Variants in GRPR observed in about 807,000 individuals in gnomAD.
GRPR encodes the protein gastrin-releasing peptide receptor.
Under a neutral mutation model 15.6 loss-of-function variants are expected in GRPR, and 4 were observed. That is an observed-to-expected ratio of 0.26 (90% confidence interval 0.13 to 0.59). The LOEUF (loss-of-function observed/expected upper bound fraction) is 0.59, where lower values mean the gene tolerates loss of function less well. Ranked by LOEUF, GRPR falls within the 20% of genes least tolerant of loss-of-function variation. GRPR has a pLI of 0.90. For missense variants in GRPR, 270 were observed against 304.1 expected, an observed-to-expected ratio of 0.89 and a Z score of 0.83; for synonymous variants, 128 against 126.8, an observed-to-expected ratio of 1.01 and a Z score of -0.06.
Position 16,152,763 on chromosome X carries a change from G to A in GRPR, c.*118G>A, listed in dbSNP as rs1267748287. 1.5e-5 allele frequency: 9 copies of A among 597,029 alleles called. No homozygotes were observed. Among genetic ancestry groups the A allele is most frequent in the Non-Finnish European group, 2.5e-5 (9 of 352,952 alleles). The allele number at this position is 597,029 out of a possible 1,213,427, so 49.2% of individuals were successfully genotyped here. ...AGCCTTCAGAATGCTCCTGAGTGGT[G>A]TAGGTGGGGGTGGGGAGGCCCAAAT... On this transcript the variant is annotated 3_prime_UTR_variant, in exon 3 of 3. Coordinates refer to ENST00000380289, the MANE Select transcript of GRPR (RefSeq NM_005314.3).
At chrX:16,143,131 C>A (rs1341518514) in intron 1 of GRPR, among the ~76,000 whole-genome samples, 1 of 111,489 alleles carries the variant, frequency 9.0e-6, no homozygotes, top group Non-Finnish European at 1.9e-5. Context: ...TGCCCTTTTG[C>A]TGGAGCTCTT....
chrX:16,143,290 C>T (rs1301549815), intron 1 of GRPR, among the ~76,000 whole-genome samples: 2 of 111,861 alleles, frequency 1.8e-5, no homozygotes, highest in South Asian at 7.5e-4. Flanking sequence ...AAAGTTTCAC[C>T]CCTCTCCAAC....
chrX:16,138,915 T>C (rs188162184), intron 1 of GRPR, among the ~76,000 whole-genome samples: 1 of 112,376 alleles, frequency 8.9e-6, no homozygotes, highest in Non-Finnish European at 1.9e-5. Context: ...TCATTTTCTT[T>C]TGTTTGCTTT....
chrX:16,144,588 G>T (rs1227522853), intron 1 of GRPR, among the ~76,000 whole-genome samples: 1 of 111,972 alleles, frequency 8.9e-6, no homozygotes, highest in East Asian at 2.8e-4. Context: ...TGTGGGCAAA[G>T]GTTTCCAACC....
In GRPR at chrX:16,152,766, G is replaced by C; in HGVS notation, c.*121G>C. On this transcript the variant is annotated 3_prime_UTR_variant, in exon 3 of 3. Coordinates refer to ENST00000380289, the MANE Select transcript of GRPR (RefSeq NM_005314.3). ...CTTCAGAATGCTCCTGAGTGGTGTA[G>C]GTGGGGGTGGGGAGGCCCAAATGAT... is the stretch of plus-strand genomic sequence containing the variant. The C allele has an allele frequency of 1.7e-6, 1 of 600,217 alleles. No individual in the cohort carries two copies. Among genetic ancestry groups the C allele is most frequent in the Non-Finnish European group, 2.8e-6 (1 of 353,975 alleles). 49.5% of individuals were successfully genotyped at this position (600,217 alleles called of 1,213,427 possible).
At chrX:16,132,220 T>A (rs1423036917) in intron 1 of GRPR, among the ~76,000 whole-genome samples, 1 of 112,435 alleles carries the variant, frequency 8.9e-6, no homozygotes, top group African/African-American at 3.2e-5. Flanking sequence ...GCTCATTACT[T>A]TTCATGATTA....
rs150923006 is a variant in GRPR at position 16,149,929 on chromosome X, A to T, written c.414-376A>T. Among the ~76,000 whole-genome samples the T allele has an allele frequency of 6.0e-3, 678 of 112,168 alleles. 5 individuals carry two copies. Among genetic ancestry groups the T allele is most frequent in the African/African-American group, 0.02 (604 of 30,901 alleles). On this transcript the variant is annotated intron_variant, in intron 1 of 2. Coordinates refer to ENST00000380289, the MANE Select transcript of GRPR (RefSeq NM_005314.3). Reference sequence around the variant, plus strand: ...AAGTATATGTTAATTAGCTCAATCTAGTCATTCCACAGTGTATACATATTT... The same window carrying T: ...AAGTATATGTTAATTAGCTCAATCTTGTCATTCCACAGTGTATACATATTT...
At chrX:16,131,365 C>G (rs1485901851) in intron 1 of GRPR, among the ~76,000 whole-genome samples, 1 of 111,936 alleles carries the variant, frequency 8.9e-6, no homozygotes. Context: ...TGAAGAAGTT[C>G]GTTTCACATA....
At position 16,152,990 on chromosome X, in the gene GRPR, TAGC is replaced by T. The variant is rs1922740857; in HGVS notation, c.*348_*350del. 1 of 249,626 alleles carries T rather than the reference TAGC, an allele frequency of 4.0e-6. No homozygotes were observed. The highest frequency in any genetic ancestry group is 2.7e-5 in the African/African-American group (1 of 37,062). 20.6% of individuals were successfully genotyped at this position (249,626 alleles called of 1,213,427 possible). On this transcript the variant is annotated 3_prime_UTR_variant, in exon 3 of 3. Transcript: ENST00000380289. ...AACTGTATGAACAACCAGATTTACA[TAGC>T]AGAGAAATCATACATTGAATGCTTA...
chrX:16,124,033 A>T lies in GRPR; in HGVS notation c.80A>T (p.Asp27Val). The T allele has an allele frequency of 1.7e-6, 2 of 1,201,854 alleles. No individual in the cohort carries two copies. Among genetic ancestry groups the T allele is most frequent in the Non-Finnish European group, 1.1e-6 (1 of 886,723 alleles). ...MHCNISSHSADLPVNDDWSHP... is the reference protein window; with the variant it reads ...MHCNISSHSAVLPVNDDWSHP... ...TGCAACATCTCCAGTCACAGTGCGG[A>T]TCTCCCCGTGAACGATGACTGGTCC... is the stretch of plus-strand genomic sequence containing the variant. Residue 27 changes from aspartate to valine, a missense_variant, in exon 1 of 3, where the codon GAT becomes GTT. Asp to Val is a radical substitution (Grantham distance 152). Coordinates refer to ENST00000380289, the MANE Select transcript of GRPR (RefSeq NM_005314.3).
At chrX:16,150,802 C>G in intron 2 of GRPR, 146 bp downstream of exon 2, 3 of 493,495 alleles carry the variant, frequency 6.1e-6, no homozygotes, top group Non-Finnish European at 1.1e-5. Context: ...AAATGCCTAG[C>G]CATGGAAACC....
rs1003793106 is a variant in GRPR at position 16,152,883 on chromosome X, C to G, written c.*238C>G. 9.8e-6 allele frequency: 4 copies of G among 406,575 alleles called. No individual in the cohort carries two copies. Among genetic ancestry groups the G allele is most frequent in the Admixed American group, 4.1e-5 (1 of 24,139 alleles). The allele number at this position is 406,575 out of a possible 1,213,427, so 33.5% of individuals were successfully genotyped here. The stretch of plus-strand genomic sequence containing the variant: ...TCTTCTGATGTGAAGCAAACCTTCC[C>G]TTTTCAGAAAAGGGAACAAGTAGAA... On this transcript the variant is annotated 3_prime_UTR_variant, in exon 3 of 3. Transcript: ENST00000380289.
intron 2 of GRPR, among the ~76,000 whole-genome samples, chrX:16,151,197 C>T (rs1297652139): frequency 8.9e-6 from 1 of 112,277 alleles, no homozygotes; most frequent in Non-Finnish European, 1.9e-5. Flanking sequence ...CATTGTAAAA[C>T]TATTGGAAGA....
At chrX:16,135,505 TCCA>T (rs1922435167) in intron 1 of GRPR, among the ~76,000 whole-genome samples, 1 of 112,443 alleles carries the variant, frequency 8.9e-6, no homozygotes, top group African/African-American at 3.2e-5. Flanking sequence ...GAATTTATTT[TCCA>T]ATGTAAGGAG....
At chrX:16,139,988 C>T (rs1371456502) in intron 1 of GRPR, among the ~76,000 whole-genome samples, 2 of 112,078 alleles carry the variant, frequency 1.8e-5, no homozygotes, top group Non-Finnish European at 3.8e-5. Context: ...GAAACGGAGA[C>T]AACATGCTTT....
intron 1 of GRPR, among the ~76,000 whole-genome samples, chrX:16,135,426 G>C (rs1922434025): frequency 9.0e-6 from 1 of 111,663 alleles, no homozygotes; most frequent in East Asian, 2.8e-4. Flanking sequence ...CAGGCTAGCT[G>C]GCCAGTGGTG....
intron 1 of GRPR, 135 bp from the exon 2 acceptor site, chrX:16,150,170 G>A (rs1922673029): frequency 4.0e-6 from 2 of 501,078 alleles, no homozygotes; most frequent in Non-Finnish European, 7.0e-6. Flanking sequence ...CTCAGAGTCG[G>A]CACCCTCAGG....
intron 1 of GRPR, among the ~76,000 whole-genome samples, chrX:16,134,585 A>G (rs139229075): frequency 9.0e-6 from 1 of 111,007 alleles, no homozygotes; most frequent in Non-Finnish European, 1.9e-5. Flanking sequence ...TTTTTGTGAG[A>G]GTTGGTCTAT....
Position 16,152,376 on chromosome X carries a change from A to C in GRPR, c.886A>C (p.Thr296Pro). ...YRSYHYSEVD[T>P]SMLHFVTSIC... is the part of the protein sequence containing the mutation. ...CTCCTACCACTACTCTGAGGTGGAC[A>C]CCTCCATGCTCCACTTTGTCACCAG... The change falls in exon 3 of 3, where the codon ACC becomes CCC. Residue 296 changes from threonine (T) to proline (P), a missense_variant. By Grantham distance (38) the Thr-to-Pro change is conservative. Transcript: ENST00000380289. 1 of 1,210,057 alleles carries C rather than the reference A, an allele frequency of 8.3e-7. No individual in the cohort carries two copies. Among genetic ancestry groups the C allele is most frequent in the Non-Finnish European group, 1.1e-6 (1 of 894,428 alleles).
Sources: gnomAD v4.1 joint callset for allele counts (sites outside exome capture counted in the v4.1 genomes callset) on GRCh38, gnomAD v4.1.1 for gene constraint, MANE v1.5 for transcripts, NCBI Gene and HGNC (gene_info 2026-07-23, HGNC 2026-07-21) for gene names.